The following CPAP variants were observed in gnomAD, a reference collection of about 807,000 sequenced individuals.
The protein encoded by CPAP is centrosome assembly and centriole elongation protein.
At chr13:24,885,373 C>T in the CPAP span, 1 of 1,612,722 alleles carries the variant, frequency 6.2e-7, no homozygotes, top group East Asian at 2.2e-5. Flanking sequence ...AAGTGGCTCC[C>T]TGGGAGAGGC....
At chr13:24,884,332 G>A in the CPAP span, 4 of 1,613,984 alleles carry the variant, frequency 2.5e-6, no homozygotes, top group African/African-American at 1.3e-5. Context: ...CCACTCTTTG[G>A]TCTGGCATGA....
the CPAP span, among the ~76,000 whole-genome samples, chr13:24,904,688 C>T: frequency 6.6e-6 from 1 of 152,246 alleles, no homozygotes; most frequent in African/African-American, 2.4e-5. Flanking sequence ...AATATTTTTG[C>T]TTCTATGCTT....
chr13:24,893,598 G>A, the CPAP span, among the ~76,000 whole-genome samples: 2 of 152,220 alleles, frequency 1.3e-5, no homozygotes, highest in Admixed American at 6.5e-5. Flanking sequence ...TTTGGATTGG[G>A]TGACATCAAG....
At chr13:24,916,379 C>T in the CPAP span, among the ~76,000 whole-genome samples, 3 of 151,968 alleles carry the variant, frequency 2.0e-5, no homozygotes, top group East Asian at 1.9e-4. Context: ...ATTTCATACT[C>T]GGTGTCTAAA....
the CPAP span, chr13:24,883,900 T>C: frequency 6.2e-7 from 1 of 1,609,020 alleles, no homozygotes; most frequent in African/African-American, 1.3e-5. Context: ...TGGGGCACCT[T>C]CTGAGCACAG....
chr13:24,921,779 C>G, the CPAP span, among the ~76,000 whole-genome samples: 15 of 152,116 alleles, frequency 9.9e-5, no homozygotes, highest in Non-Finnish European at 2.2e-4. Flanking sequence ...CTGACAAGTG[C>G]AAGCAGTCTT....
the CPAP span, chr13:24,886,306 G>T: frequency 1.9e-5 from 24 of 1,289,026 alleles, no homozygotes; most frequent in Non-Finnish European, 2.4e-5. Flanking sequence ...GGATGTTACG[G>T]GAGAATGGCC....
At chr13:24,884,699 T>C in the CPAP span, among the ~76,000 whole-genome samples, 1 of 152,336 alleles carries the variant, frequency 6.6e-6, no homozygotes, top group Non-Finnish European at 1.5e-5. Context: ...CAACAATTTG[T>C]TACCCTAAAG....
the CPAP span, among the ~76,000 whole-genome samples, chr13:24,928,687 C>G: frequency 2.0e-5 from 3 of 152,186 alleles, no homozygotes; most frequent in Non-Finnish European, 4.4e-5. Flanking sequence ...ACCTCGGCCT[C>G]CCAAAGTGCT....
the CPAP span, chr13:24,884,245 T>C: frequency 1.9e-6 from 3 of 1,613,986 alleles, no homozygotes; most frequent in African/African-American, 2.7e-5. Flanking sequence ...TAGTAGTAGA[T>C]CTGTAAAGAC....
the CPAP span, among the ~76,000 whole-genome samples, chr13:24,919,480 C>T: frequency 2.6e-5 from 4 of 151,946 alleles, no homozygotes; most frequent in African/African-American, 9.7e-5. Flanking sequence ...AGTGCAGTGG[C>T]ATGATCACGG....
the CPAP span, chr13:24,908,215 AT>A: frequency 2.1e-5 from 18 of 877,108 alleles, no homozygotes; most frequent in African/African-American, 5.0e-5. Context: ...ATGCTAAAAC[AT>A]TTTTTTAATT....
the CPAP span, among the ~76,000 whole-genome samples, chr13:24,928,002 G>A: frequency 2.6e-5 from 4 of 152,108 alleles, no homozygotes; most frequent in South Asian, 2.1e-4. Flanking sequence ...GGAGCTGACC[G>A]TTGATCATTC....
the CPAP span, among the ~76,000 whole-genome samples, chr13:24,916,933 G>C: frequency 6.6e-6 from 1 of 152,104 alleles, no homozygotes; most frequent in Admixed American, 6.5e-5. Context: ...ACAGTAGTGT[G>C]TATTATCAGA....
At chr13:24,899,465 G>T in the CPAP span, 1 of 1,613,668 alleles carries the variant, frequency 6.2e-7, no homozygotes, top group Non-Finnish European at 8.5e-7. Context: ...TCTTGCAGCT[G>T]TAGTATACTT....
At chr13:24,917,610 A>G in the CPAP span, among the ~76,000 whole-genome samples, 29 of 152,350 alleles carry the variant, frequency 1.9e-4, no homozygotes, top group East Asian at 5.0e-3. Context: ...ACACATGGAT[A>G]TAACACTGTT....
At chr13:24,915,317 T>G in the CPAP span, among the ~76,000 whole-genome samples, 3 of 151,888 alleles carry the variant, frequency 2.0e-5, no homozygotes, top group Admixed American at 2.0e-4. Flanking sequence ...AGACCAAGAG[T>G]TGAATTCAGG....
the CPAP span, among the ~76,000 whole-genome samples, chr13:24,912,378 G>A: frequency 1.1e-3 from 171 of 152,162 alleles, 1 homozygote; most frequent in South Asian, 0.034. Flanking sequence ...CTTACTTTTC[G>A]CCAAATGAGG....
the CPAP span, chr13:24,906,706 A>G: frequency 6.2e-7 from 1 of 1,614,208 alleles, no homozygotes; most frequent in Non-Finnish European, 8.5e-7. Flanking sequence ...TCTTGGTTCT[A>G]GCTTTACTGT....
Sources: gnomAD v4.1 joint callset for allele counts (sites outside exome capture counted in the v4.1 genomes callset) on GRCh38, gnomAD v4.1.1 for gene constraint, MANE v1.5 for transcripts, NCBI Gene and HGNC (gene_info 2026-07-23, HGNC 2026-07-21) for gene names.